The following GRAMD1B variants were observed in gnomAD, a reference collection of about 807,000 sequenced individuals.
GRAMD1B encodes GRAM domain containing 1B.
A neutral mutation model predicts 99.7 loss-of-function variants in GRAMD1B; 37 were observed. The ratio of observed to expected loss-of-function variants is 0.37; its 90% CI spans 0.29 to 0.49. GRAMD1B has a LOEUF of 0.49. Ranked by LOEUF, GRAMD1B falls within the 20% of genes least tolerant of loss-of-function variation. The pLI, the probability that GRAMD1B is intolerant of heterozygous loss-of-function variation, is 0.98. For synonymous variants in GRAMD1B, 427 were observed against 387.6 expected (o/e 1.10, Z -1.19); for missense variants, 888 against 1,009.2 (o/e 0.88, Z 1.63).
At chr11:123,395,667 A>G (rs891675975) in intron 1 of GRAMD1B, among the ~76,000 whole-genome samples, 3 of 152,304 alleles carry the variant, frequency 2.0e-5, no homozygotes, top group Admixed American at 2.0e-4. Context: ...AGAAATTCCA[A>G]CATCCAGGCT....
intron 2 of GRAMD1B, among the ~76,000 whole-genome samples, chr11:123,556,444 A>G (rs1257700241): frequency 6.6e-6 from 1 of 152,210 alleles, no homozygotes; most frequent in Non-Finnish European, 1.5e-5. Context: ...CCCTCTTTAT[A>G]TAAAATGTGA....
intron 1 of GRAMD1B, among the ~76,000 whole-genome samples, chr11:123,434,227 T>C (rs1167559465): frequency 1.1e-5 from 1 of 93,000 alleles, no homozygotes; most frequent in Admixed American, 1.3e-4. Context: ...GAGACTCCGT[T>C]TCCAAAAAAA....
chr11:123,420,825 T>C (rs1271393342), intron 1 of GRAMD1B, among the ~76,000 whole-genome samples: 1 of 152,250 alleles, frequency 6.6e-6, no homozygotes, highest in East Asian at 1.9e-4. Context: ...TCTCTGAGCC[T>C]GAGTTTCCTC....
chr11:123,423,138 A>G (rs1324701324), intron 1 of GRAMD1B, among the ~76,000 whole-genome samples: 1 of 152,108 alleles, frequency 6.6e-6, no homozygotes, highest in African/African-American at 2.4e-5. Context: ...GTACACCACG[A>G]AGCTCCAATT....
intron 2 of GRAMD1B, among the ~76,000 whole-genome samples, chr11:123,526,630 T>G (rs1165431989): frequency 2.0e-5 from 3 of 152,148 alleles, no homozygotes; most frequent in Non-Finnish European, 4.4e-5. Flanking sequence ...CGTCAGCTGC[T>G]TAGGGCGGGC....
chr11:123,575,207 T>C (rs1030506951), intron 2 of GRAMD1B, among the ~76,000 whole-genome samples: 2 of 152,198 alleles, frequency 1.3e-5, no homozygotes, highest in Admixed American at 6.5e-5. Flanking sequence ...AACCTCTTGC[T>C]TGAAGCCAGT....
At chr11:123,370,844 G>A (rs1180482763) in intron 1 of GRAMD1B, among the ~76,000 whole-genome samples, 3 of 152,058 alleles carry the variant, frequency 2.0e-5, no homozygotes, top group Admixed American at 1.3e-4. Flanking sequence ...TGGCATGATC[G>A]TCTCAATCTG....
intron 1 of GRAMD1B, chr11:123,458,622 A>G (rs1356726916): frequency 1.3e-5 from 2 of 152,126 alleles, no homozygotes; most frequent in East Asian, 3.8e-4. Flanking sequence ...AAAGAATTTG[A>G]TGCAAATCCC....
At chr11:123,570,980 G>C (rs1472516355) in intron 2 of GRAMD1B, among the ~76,000 whole-genome samples, 1 of 152,188 alleles carries the variant, frequency 6.6e-6, no homozygotes, top group African/African-American at 2.4e-5. Context: ...GGGGAGGGGG[G>C]CTGACAGTCT....
chr11:123,534,147 A>G (rs1943703447), intron 2 of GRAMD1B, among the ~76,000 whole-genome samples: 1 of 152,236 alleles, frequency 6.6e-6, no homozygotes, highest in Admixed American at 6.5e-5. Context: ...CCTTACTGAT[A>G]ACACAGTCAA....
chr11:123,596,851 G>A (rs1951335705), intron 7 of GRAMD1B, among the ~76,000 whole-genome samples: 1 of 152,214 alleles, frequency 6.6e-6, no homozygotes, highest in South Asian at 2.1e-4. Flanking sequence ...TTATAAGGCA[G>A]ATCAGTGCCT....
Position 123,514,285 on chromosome 11 carries a change from C to G in GRAMD1B, c.452+33392C>G, listed in dbSNP as rs1941458256. Among the ~76,000 whole-genome samples the G allele has an allele frequency of 1.3e-5, 2 of 152,112 alleles. 1 individual carries two copies. Among genetic ancestry groups the G allele is most frequent in the South Asian group, 4.1e-4 (2 of 4,830 alleles). ...TGTGGGTGGGAATTTATCAGGTGGA[C>G]AAGAGAGGAAAGATGATGTGGCTGT... On this transcript the variant is annotated intron_variant, in intron 2 of 19. Coordinates refer to ENST00000635736, the MANE Select transcript of GRAMD1B (RefSeq NM_001387025.1).
At chr11:123,586,019 G>A (rs545090944) in intron 4 of GRAMD1B, among the ~76,000 whole-genome samples, 7 of 152,054 alleles carry the variant, frequency 4.6e-5, no homozygotes, top group Admixed American at 2.0e-4. Context: ...CCATTCTCCC[G>A]GCTAGGTTTC....
In GRAMD1B at chr11:123,610,015, T is replaced by A; in HGVS notation, c.1776+102T>A. Reference sequence around the variant, plus strand: ...TCAGGAAGAAGTTTCAGGGCGCAAGTGTCATTTTGCCCCAAAGCGGTGGTG... The same window carrying A: ...TCAGGAAGAAGTTTCAGGGCGCAAGAGTCATTTTGCCCCAAAGCGGTGGTG... On this transcript the variant is annotated intron_variant, in intron 13 of 19. Transcript: ENST00000635736. This position sits in a 1 kb window ranked among gnomAD's most constrained non-coding sequence, Gnocchi z 4.1. 1 of 857,162 alleles carries A rather than the reference T, an allele frequency of 1.2e-6. No individual in the cohort carries two copies. The highest frequency in any genetic ancestry group is 1.9e-6 in the Non-Finnish European group (1 of 525,518). The allele number at this position is 857,162 out of a possible 1,614,324, so 53.1% of individuals were successfully genotyped here. A position where few individuals can be genotyped will look rare whatever the true frequency, so the allele number is the denominator to read the frequency against.
rs1049590871 is a variant in GRAMD1B, at chr11:123,598,952, T to G, written c.970-1516T>G. On this transcript the variant is annotated intron_variant, in intron 7 of 19. Transcript: ENST00000635736. ...CTTTAGGAATGTCAAATAATTGGTC[T>G]AAGATGGACAGGTATGTGATATAAT... 3 of 1,065,870 alleles carry G rather than the reference T, an allele frequency of 2.8e-6. No individual in the cohort carries two copies. In the African/African-American group the frequency reaches 4.7e-5, roughly 17 times the overall value. The allele number at this position is 1,065,870 out of a possible 1,614,324, so 66.0% of individuals were successfully genotyped here. A position where few individuals can be genotyped will look rare whatever the true frequency, so the allele number is the denominator to read the frequency against.
chr11:123,503,290 C>T (rs1216807997), intron 2 of GRAMD1B, among the ~76,000 whole-genome samples: 1 of 152,144 alleles, frequency 6.6e-6, no homozygotes, highest in Admixed American at 6.5e-5. Context: ...GTGCAAGGGA[C>T]CAGCTGCTGA....
At chr11:123,495,491 C>G (rs1939137749) in intron 2 of GRAMD1B, among the ~76,000 whole-genome samples, 1 of 152,104 alleles carries the variant, frequency 6.6e-6, no homozygotes, top group South Asian at 2.1e-4. Flanking sequence ...GTTGTGCTAT[C>G]AAATACTAGG....
intron 1 of GRAMD1B, among the ~76,000 whole-genome samples, chr11:123,448,611 T>C (rs1949744919): frequency 6.6e-6 from 1 of 152,246 alleles, no homozygotes; most frequent in East Asian, 1.9e-4. Context: ...CTCATATTTT[T>C]CCTGGGCCTT....
intron 2 of GRAMD1B, among the ~76,000 whole-genome samples, chr11:123,541,761 A>G (rs1017982001): frequency 1.3e-5 from 2 of 152,172 alleles, no homozygotes; most frequent in Admixed American, 6.5e-5. Context: ...TATGGTTTCT[A>G]CATCTGGAAT....
Sources: allele counts gnomAD v4.1 joint callset (sites outside exome capture counted in the v4.1 genomes callset), GRCh38; gene constraint gnomAD v4.1.1; non-coding constraint Gnocchi (gnomAD v3.1); transcripts MANE v1.5; gene names NCBI Gene and HGNC (gene_info 2026-07-23, HGNC 2026-07-21).